Variants in AGMO observed in about 807,000 individuals in gnomAD.
The protein encoded by AGMO is alkylglycerol monooxygenase, also known as glyceryl-ether monooxygenase.
Under a neutral mutation model 60.2 loss-of-function variants are expected in AGMO, and 75 were observed. The observed-to-expected ratio is 1.25, with a 90% CI of 1.03 to 1.51. The LOEUF (loss-of-function observed/expected upper bound fraction) is 1.51. AGMO is among the 40% of genes most tolerant of loss of function. The pLI is 0.00. For missense variants in AGMO, 763 were observed against 525.5 expected (o/e 1.45, Z -4.42); for synonymous variants, 261 against 177.1 (o/e 1.47, Z -3.76).
the AGMO span, among the ~76,000 whole-genome samples, chr7:15,169,580 G>A: frequency 2.0e-5 from 3 of 151,910 alleles, no homozygotes; most frequent in African/African-American, 7.3e-5. Flanking sequence ...GGGATTACAC[G>A]CATCCACCAC....
At chr7:15,519,914 C>T (rs886158046) in intron 3 of AGMO, among the ~76,000 whole-genome samples, 2 of 150,258 alleles carry the variant, frequency 1.3e-5, no homozygotes, top group African/African-American at 4.9e-5. Flanking sequence ...GGAGACCCAC[C>T]TCACTTGCAA....
At chr7:15,132,269 T>G in the AGMO span, among the ~76,000 whole-genome samples, 2 of 152,202 alleles carry the variant, frequency 1.3e-5, no homozygotes, top group African/African-American at 4.8e-5. Context: ...AGCATTTAAA[T>G]GAAATACTTC....
At position 15,517,377 on chromosome 7, in the gene AGMO, G is replaced by A. The variant is rs556880849; in HGVS notation, c.409+27395C>T. On this transcript the variant is annotated intron_variant, in intron 3 of 12. Coordinates refer to ENST00000342526, the MANE Select transcript of AGMO (RefSeq NM_001004320.2). ...TTAAGGCACCCAGATTCCCGAGCAA[G>A]ATGGTCGAATAGAAACAGCTCTGGT... is the stretch of plus-strand genomic sequence containing the variant. 4.0e-5 allele frequency among the ~76,000 whole-genome samples: 6 copies of A among 151,458 alleles called. No individual in the cohort carries two copies. The South Asian group carries it at 1.3e-3, about 32-fold the overall frequency.
At chr7:15,318,101 G>A (rs1399373421) in intron 12 of AGMO, among the ~76,000 whole-genome samples, 1 of 151,312 alleles carries the variant, frequency 6.6e-6, no homozygotes, top group East Asian at 1.9e-4. Flanking sequence ...TGCCTCTGGG[G>A]TTCAAACAAT....
At position 15,371,477 on chromosome 7, in the gene AGMO, G is replaced by A. The variant is rs190813814; in HGVS notation, c.1075-5255C>T. Among the ~76,000 whole-genome samples, 150 of 151,590 alleles carry A rather than the reference G, an allele frequency of 9.9e-4. 1 individual carries two copies. Among genetic ancestry groups the A allele is most frequent in the Non-Finnish European group, 1.4e-3 (94 of 67,914 alleles). On this transcript the variant is annotated intron_variant, in intron 10 of 12. Coordinates refer to ENST00000342526, the MANE Select transcript of AGMO (RefSeq NM_001004320.2). ...GCCATCTCGGCTCACTGCAATCTCC[G>A]CCTCCTGGGTTCAAGCAATTCACCT...
the AGMO span, among the ~76,000 whole-genome samples, chr7:15,139,331 G>A: frequency 2.0e-5 from 3 of 151,952 alleles, no homozygotes; most frequent in Non-Finnish European, 4.4e-5. Context: ...CTGAAAATGG[G>A]GCTTTTAATT....
At chr7:15,159,025 T>TAGAGA in the AGMO span, among the ~76,000 whole-genome samples, 1 of 152,088 alleles carries the variant, frequency 6.6e-6, no homozygotes, top group African/African-American at 2.4e-5. Context: ...TGTATATCTC[T>TAGAGA]TATACACATA....
chr7:15,268,856 C>T lies in AGMO; in HGVS notation c.1264-67497G>A, dbSNP rs141743788. On this transcript the variant is annotated intron_variant, in intron 12 of 12. Coordinates refer to ENST00000342526, the MANE Select transcript of AGMO (RefSeq NM_001004320.2). ...TTGTTAGATTATTTTCTCTATTTTG[C>T]GGTAAGGTCAACAGATGAATGTGGG... Among the ~76,000 whole-genome samples, 6 of 151,804 alleles carry T rather than the reference C, an allele frequency of 4.0e-5. No homozygotes were observed. The East Asian group carries it at 5.8e-4, about 15-fold the overall frequency.
chr7:15,474,308 A>G (rs1562525625), intron 3 of AGMO, among the ~76,000 whole-genome samples: 2 of 152,208 alleles, frequency 1.3e-5, no homozygotes, highest in Admixed American at 6.5e-5. Context: ...CTATACTACA[A>G]GCCTACAGTA....
intron 10 of AGMO, among the ~76,000 whole-genome samples, chr7:15,367,247 T>G (rs1162497405): frequency 6.9e-6 from 1 of 144,522 alleles, no homozygotes; most frequent in East Asian, 2.0e-4. Flanking sequence ...AAATAAATGA[T>G]AATTTTTTAA....
intron 12 of AGMO, among the ~76,000 whole-genome samples, chr7:15,236,234 G>A (rs1782415455): frequency 6.6e-6 from 1 of 151,980 alleles, no homozygotes; most frequent in Non-Finnish European, 1.5e-5. Flanking sequence ...TGGGGTGGTT[G>A]AATAATACTC....
At chr7:15,395,056 A>C (rs1004846557) in intron 5 of AGMO, among the ~76,000 whole-genome samples, 2 of 152,204 alleles carry the variant, frequency 1.3e-5, no homozygotes, top group Non-Finnish European at 2.9e-5. Context: ...ATAATACTGG[A>C]CAATTTGAGA....
intron 3 of AGMO, among the ~76,000 whole-genome samples, chr7:15,489,819 C>G (rs1332351614): frequency 6.6e-6 from 1 of 152,038 alleles, no homozygotes; most frequent in Non-Finnish European, 1.5e-5. Context: ...ATAGTTTGTA[C>G]TTTGAGATGA....
intron 3 of AGMO, among the ~76,000 whole-genome samples, chr7:15,470,405 CT>C: frequency 6.6e-6 from 1 of 151,884 alleles, no homozygotes; most frequent in Non-Finnish European, 1.5e-5. Context: ...TCATCTTTCT[CT>C]TTTTTTCTGT....
rs144609841 is a variant in AGMO, at chr7:15,202,244, T to C, written c.1264-885A>G. On this transcript the variant is annotated intron_variant, in intron 12 of 12. Coordinates refer to ENST00000342526, the MANE Select transcript of AGMO (RefSeq NM_001004320.2). ...TGCCTCTCCCCAAGAAGAATATCAC[T>C]ATACCTGGAAGATTCACTGAAATAT... Among the ~76,000 whole-genome samples, 490 of 152,034 alleles carry C rather than the reference T, an allele frequency of 3.2e-3. 2 individuals are homozygous for C. The highest frequency in any genetic ancestry group is 0.011 in the African/African-American group (456 of 41,488).
intron 12 of AGMO, among the ~76,000 whole-genome samples, chr7:15,206,051 G>C (rs767103384): frequency 1.4e-4 from 21 of 151,612 alleles, no homozygotes; most frequent in Admixed American, 6.6e-5. Context: ...CAATGTTTTG[G>C]TTTTTTTTGA....
intron 12 of AGMO, among the ~76,000 whole-genome samples, chr7:15,258,916 T>C (rs978234632): frequency 3.9e-5 from 6 of 152,028 alleles, no homozygotes; most frequent in Non-Finnish European, 8.8e-5. Context: ...GAAAAAAGAA[T>C]CTGAACAGCA....
intron 3 of AGMO, among the ~76,000 whole-genome samples, chr7:15,462,934 CACA>C (rs1293513234): frequency 6.6e-6 from 1 of 152,120 alleles, no homozygotes; most frequent in African/African-American, 2.4e-5. Flanking sequence ...GTATAAGCTA[CACA>C]ACGTCAGGTT....
intron 12 of AGMO, among the ~76,000 whole-genome samples, chr7:15,279,225 C>T (rs1480209030): frequency 6.6e-6 from 1 of 151,956 alleles, no homozygotes; most frequent in Non-Finnish European, 1.5e-5. Flanking sequence ...TTCTCTCACT[C>T]ATCCCTTCCC....
Sources: gnomAD v4.1 joint callset for allele counts (sites outside exome capture counted in the v4.1 genomes callset) on GRCh38, gnomAD v4.1.1 for gene constraint, MANE v1.5 for transcripts, NCBI Gene and HGNC (gene_info 2026-07-23, HGNC 2026-07-21) for gene names.